Variants in INSL6 observed in about 807,000 individuals in gnomAD.
The protein encoded by INSL6 is insulin-like peptide INSL6.
In INSL6, 16 loss-of-function variants were observed where a neutral mutation model predicts 9.4. The observed-to-expected ratio is 1.70, with a 90% CI of 1.15 to 2.59. The LOEUF is 2.59. INSL6 is among the 30% of genes most tolerant of loss of function. The pLI is 0.00. For synonymous variants in INSL6, 154 were observed against 96.9 expected, an observed-to-expected ratio of 1.59 and a Z score of -3.46; for missense variants, 391 against 257.3, an observed-to-expected ratio of 1.52 and a Z score of -3.56.
intron 1 of INSL6, among the ~76,000 whole-genome samples, chr9:5,168,766 A>G (rs1020100852): frequency 5.3e-5 from 8 of 151,312 alleles, no homozygotes; most frequent in African/African-American, 1.5e-4. Context: ...GATCAGCCCA[A>G]TGACATATAA....
chr9:5,120,247 G>A (rs1444484465), downstream of INSL6, among the ~76,000 whole-genome samples: 1 of 152,190 alleles, frequency 6.6e-6, no homozygotes, highest in African/African-American at 2.4e-5. Context: ...TCTCATAAGG[G>A]CCTTAATCCT....
the INSL6 span, among the ~76,000 whole-genome samples, chr9:5,019,918 T>A: frequency 6.6e-6 from 1 of 152,170 alleles, no homozygotes; most frequent in Non-Finnish European, 1.5e-5. Flanking sequence ...CAGTCCTCAG[T>A]TGTGGCAGCA....
At chr9:5,182,532 T>C (rs990236379) in intron 1 of INSL6, among the ~76,000 whole-genome samples, 3 of 152,040 alleles carry the variant, frequency 2.0e-5, no homozygotes, top group Non-Finnish European at 4.4e-5. Context: ...TACTCTAACA[T>C]CCCAATCACC....
chr9:5,118,940 C>T (rs922084224), downstream of INSL6, among the ~76,000 whole-genome samples: 1 of 152,050 alleles, frequency 6.6e-6, no homozygotes, highest in Non-Finnish European at 1.5e-5. Context: ...GAAAAGTATA[C>T]CAAAAAGCTT....
the INSL6 span, among the ~76,000 whole-genome samples, chr9:5,003,736 T>C: frequency 6.6e-6 from 1 of 152,116 alleles, no homozygotes; most frequent in Admixed American, 6.5e-5. Context: ...ATGTCCACTA[T>C]GGTATTGAAT....
chr9:5,060,490 C>A, the INSL6 span, among the ~76,000 whole-genome samples: 4 of 152,200 alleles, frequency 2.6e-5, no homozygotes, highest in Non-Finnish European at 5.9e-5. Flanking sequence ...ACATTCACAG[C>A]ATCTTCACCC....
rs754042711 is a variant in INSL6, at chr9:5,185,340, G to A, written c.263C>T (p.Pro88Leu). Reference protein sequence around the residue: ...YQFESPQTASPARGRGTNPVS... With the variant: ...YQFESPQTASLARGRGTNPVS... The stretch of plus-strand genomic sequence containing the variant: ...TGGGTTTGTGCCTCTTCCCCGGGCC[G>A]GGGAAGCGGTTTGCGGGCTTTCGAA... Residue 88 changes from proline to leucine, a missense_variant, in exon 1 of 2, where the codon CCG becomes CTG. By Grantham distance (98) the Pro-to-Leu change is moderately conservative (BLOSUM62 -3). Transcript: ENST00000381641. The A allele has an allele frequency of 3.7e-6, 6 of 1,614,100 alleles. No homozygotes were observed. Among genetic ancestry groups the A allele is most frequent in the East Asian group, 2.2e-5 (1 of 44,866 alleles).
chr9:5,009,539 C>T, the INSL6 span, among the ~76,000 whole-genome samples: 1 of 151,894 alleles, frequency 6.6e-6, no homozygotes, highest in African/African-American at 2.4e-5. Flanking sequence ...TCTGAGAATA[C>T]CGAGAAAGAT....
chr9:5,049,319 C>A, the INSL6 span, among the ~76,000 whole-genome samples: 4 of 152,194 alleles, frequency 2.6e-5, no homozygotes, highest in Admixed American at 2.0e-4. Flanking sequence ...CGGACCCCAA[C>A]TTACTTTTCT....
At chr9:5,035,777 C>A in the INSL6 span, among the ~76,000 whole-genome samples, 1 of 152,166 alleles carries the variant, frequency 6.6e-6, no homozygotes, top group Non-Finnish European at 1.5e-5. Flanking sequence ...CAATATCATA[C>A]TGAATGGACA....
chr9:5,143,975 G>T (rs543401646), intron 2 of INSL6, among the ~76,000 whole-genome samples: 3 of 151,890 alleles, frequency 2.0e-5, no homozygotes, highest in African/African-American at 7.2e-5. Flanking sequence ...TTGATCTTTC[G>T]AATCATTTTT....
chr9:5,128,890 G>C (rs1374024167), intron 3 of INSL6, among the ~76,000 whole-genome samples: 1 of 151,896 alleles, frequency 6.6e-6, no homozygotes, highest in East Asian at 1.9e-4. Context: ...CAAGGGTAAA[G>C]GTATTCTTAG....
the INSL6 span, among the ~76,000 whole-genome samples, chr9:5,092,478 C>G: frequency 2.0e-5 from 3 of 152,092 alleles, no homozygotes; most frequent in African/African-American, 7.2e-5. Flanking sequence ...CACTTTGAGC[C>G]AACCCTAGCC....
intron 1 of INSL6, among the ~76,000 whole-genome samples, chr9:5,172,766 A>G (rs973749495): frequency 6.6e-6 from 1 of 152,168 alleles, no homozygotes; most frequent in African/African-American, 2.4e-5. Flanking sequence ...TGCCTCTTCT[A>G]AAAGTACAAA....
At chr9:5,032,839 C>T in the INSL6 span, among the ~76,000 whole-genome samples, 2 of 152,168 alleles carry the variant, frequency 1.3e-5, no homozygotes, top group Non-Finnish European at 2.9e-5. Flanking sequence ...ATGAGAGCAC[C>T]TCTCCTCCTC....
At chr9:5,118,733 C>T in the INSL6 span, among the ~76,000 whole-genome samples, 24 of 152,282 alleles carry the variant, frequency 1.6e-4, no homozygotes, top group South Asian at 1.4e-3. Flanking sequence ...TAGTATCATT[C>T]ATTTCTATGA....
Position 5,178,638 on chromosome 9 carries a change from T to G in INSL6, c.289+6676A>C, listed in dbSNP as rs531992043. Among the ~76,000 whole-genome samples the G allele has an allele frequency of 2.9e-4, 44 of 152,320 alleles. 1 individual carries two copies. The South Asian group carries it at 8.7e-3, about 30-fold the overall frequency. On this transcript the variant is annotated intron_variant, in intron 1 of 1. Transcript: ENST00000381641. The stretch of plus-strand genomic sequence containing the variant: ...CAAGGCTACAGTAACCACAACAGCT[T>G]GGTACTGGTACAAGAACAGATACAT...
chr9:5,086,845 C>A, the INSL6 span, among the ~76,000 whole-genome samples: 2 of 152,124 alleles, frequency 1.3e-5, no homozygotes, highest in African/African-American at 4.8e-5. Context: ...TTCTAGAGAG[C>A]TTCTCATAGA....
chr9:5,154,711 G>T (rs200544841), intron 2 of INSL6, among the ~76,000 whole-genome samples: 1 of 152,136 alleles, frequency 6.6e-6, no homozygotes, highest in African/African-American at 2.4e-5. Flanking sequence ...GCAGCCAAAA[G>T]ACACATGAAA....
Sources: gnomAD v4.1 joint callset for allele counts (sites outside exome capture counted in the v4.1 genomes callset) on GRCh38, gnomAD v4.1.1 for gene constraint, MANE v1.5 for transcripts, NCBI Gene and HGNC (gene_info 2026-07-23, HGNC 2026-07-21) for gene names.